The following FAM227A variants were observed in gnomAD, a reference collection of about 807,000 sequenced individuals.
FAM227A encodes the protein protein FAM227A.
FAM227A carries 80 observed loss-of-function variants against 74.7 expected under a neutral mutation model. The ratio of observed to expected loss-of-function variants is 1.07; its 90% CI spans 0.89 to 1.29. The LOEUF is 1.29. FAM227A is among the 50% of genes most tolerant of loss of function. The pLI, the probability that FAM227A is intolerant of heterozygous loss-of-function variation, is 0.00. For missense variants in FAM227A, 654 were observed against 683.4 expected (o/e 0.96, Z 0.48); for synonymous variants, 237 against 241.8 (o/e 0.98, Z 0.19).
At chr22:38,614,845 T>G (rs1007990440) in intron 11 of FAM227A, among the ~76,000 whole-genome samples, 1 of 152,196 alleles carries the variant, frequency 6.6e-6, no homozygotes, top group Non-Finnish European at 1.5e-5. Flanking sequence ...TGAATAATAT[T>G]TTGGTCTTGG....
chr22:38,599,925 A>G lies in FAM227A; in HGVS notation c.1222-4T>C. 2 of 1,531,764 alleles carry G rather than the reference A, an allele frequency of 1.3e-6. No individual in the cohort carries two copies. The highest frequency in any genetic ancestry group is 1.8e-6 in the Non-Finnish European group (2 of 1,139,720). The allele number at this position is 1,531,764 out of a possible 1,614,324, so 94.9% of individuals were successfully genotyped here. ...GGCTTTTGCAGGCAGCACACGACTAAGGATGAAAGAAAAAGGAAAAATAAA... is the reference window on the plus strand; with the variant it reads ...GGCTTTTGCAGGCAGCACACGACTAGGGATGAAAGAAAAAGGAAAAATAAA... On this transcript the variant is annotated splice_region_variant and splice_polypyrimidine_tract_variant and intron_variant, in intron 13 of 16. Transcript: ENST00000535113.
chr22:38,585,954 CT>C lies in FAM227A; in HGVS notation c.*170del. 5.5e-6 allele frequency: 8 copies of C among 1,456,820 alleles called. No homozygotes were observed. The highest frequency in any genetic ancestry group is 7.3e-6 in the Non-Finnish European group (8 of 1,095,476). The allele number at this position is 1,456,820 out of a possible 1,614,324, so 90.2% of individuals were successfully genotyped here. On this transcript the variant is annotated 3_prime_UTR_variant, in exon 17 of 17. Transcript: ENST00000535113. ...CCCAAGCACCAACTCTCTACTCCTG[CT>C]TTTCACTCAGCCTAGGAAAAACTAC...
intron 3 of FAM227A, among the ~76,000 whole-genome samples, chr22:38,639,926 C>T (rs1053938135): frequency 1.3e-5 from 2 of 152,172 alleles, no homozygotes; most frequent in Admixed American, 6.5e-5. Flanking sequence ...CCCACTGTCT[C>T]ACACTGCCCC....
Position 38,639,656 on chromosome 22 carries a change from T to A in FAM227A, c.294A>T (p.Lys98Asn), listed in dbSNP as rs761667568. The change falls in exon 4 of 17, where the codon AAA (lysine) becomes AAT (asparagine). Residue 98 changes from lysine (K) to asparagine (N), a missense_variant and splice_region_variant. Lys to Asn is a moderately conservative substitution (Grantham distance 94). Coordinates refer to ENST00000535113, the MANE Select transcript of FAM227A (RefSeq NM_001013647.2). ...CAAGGCTGAGGGAAAGGTTTTTGCC[T>A]TTGTCTTCTGGACTGCTGCGAGTTT... ...REKTRSSPED[K>N]VKRQRKSQYS... 6.4e-7 allele frequency: 1 copy of A among 1,551,906 alleles called. No individual in the cohort carries two copies. Among genetic ancestry groups the A allele is most frequent in the South Asian group, 1.2e-5 (1 of 84,064 alleles).
At chr22:38,593,259 C>T (rs2090975750) in intron 15 of FAM227A, among the ~76,000 whole-genome samples, 1 of 152,230 alleles carries the variant, frequency 6.6e-6, no homozygotes, top group Non-Finnish European at 1.5e-5. Context: ...AATCCCAGCA[C>T]TTCGGGAGGC....
At chr22:38,642,230 C>A (rs2092132369) in intron 3 of FAM227A, among the ~76,000 whole-genome samples, 1 of 152,154 alleles carries the variant, frequency 6.6e-6, no homozygotes, top group Non-Finnish European at 1.5e-5. Flanking sequence ...TAGGTAGATA[C>A]AGAGAATGCC....
In FAM227A at chr22:38,582,585, T is replaced by A; in HGVS notation, c.*3540A>T. 1 of 772,776 alleles carries A rather than the reference T, an allele frequency of 1.3e-6. No individual in the cohort carries two copies. The highest frequency in any genetic ancestry group is 2.7e-5 in the East Asian group (1 of 37,398). The allele number at this position is 772,776 out of a possible 1,614,324, so 47.9% of individuals were successfully genotyped here. ...CAAAGGGCAGAGACAGGTTTCTTCA[T>A]ATTTAACATCCTGAGAGGCTACAAC... On this transcript the variant is annotated 3_prime_UTR_variant, in exon 17 of 17. Coordinates refer to ENST00000535113, the MANE Select transcript of FAM227A (RefSeq NM_001013647.2).
At chr22:38,625,744 G>A (rs1361242904) in intron 9 of FAM227A, among the ~76,000 whole-genome samples, 1 of 152,084 alleles carries the variant, frequency 6.6e-6, no homozygotes, top group Admixed American at 6.6e-5. Flanking sequence ...AGGAGGTTGA[G>A]ACCAGCCTGA....
At chr22:38,592,709 T>C (rs1312306748) in intron 15 of FAM227A, among the ~76,000 whole-genome samples, 3 of 152,220 alleles carry the variant, frequency 2.0e-5, no homozygotes, top group African/African-American at 7.2e-5. Flanking sequence ...ACTGGAGTCC[T>C]TGTAAATGAG....
intron 11 of FAM227A, among the ~76,000 whole-genome samples, chr22:38,619,670 T>C (rs1418991606): frequency 2.6e-5 from 4 of 151,916 alleles, no homozygotes; most frequent in African/African-American, 7.3e-5. Flanking sequence ...GGTCAGGTGG[T>C]GATGGGATGA....
At chr22:38,591,380 T>TC (rs1162275938) in intron 16 of FAM227A, 55 bp downstream of exon 16, 1 of 1,535,096 alleles carries the variant, frequency 6.5e-7, no homozygotes, top group Non-Finnish European at 8.8e-7. Flanking sequence ...CTTCTACCTT[T>TC]CCCATGGTTT....
At chr22:38,612,563 G>T (rs2091436267) in intron 11 of FAM227A, among the ~76,000 whole-genome samples, 1 of 152,082 alleles carries the variant, frequency 6.6e-6, no homozygotes, top group Admixed American at 6.6e-5. Context: ...CTCCACATAT[G>T]TGAAACCCAT....
At chr22:38,591,094 T>G (rs2146143006) in intron 16 of FAM227A, among the ~76,000 whole-genome samples, 1 of 152,124 alleles carries the variant, frequency 6.6e-6, no homozygotes, top group African/African-American at 2.4e-5. Flanking sequence ...TAAGTGAACT[T>G]TTATATGCTC....
chr22:38,640,118 C>G (rs2092083013), intron 3 of FAM227A, among the ~76,000 whole-genome samples: 1 of 152,062 alleles, frequency 6.6e-6, no homozygotes, highest in Non-Finnish European at 1.5e-5. Context: ...ACTGCAAGCT[C>G]CGCCTCCTGG....
chr22:38,633,846 C>T (rs2091955797), intron 6 of FAM227A, among the ~76,000 whole-genome samples: 1 of 152,260 alleles, frequency 6.6e-6, no homozygotes, highest in South Asian at 2.1e-4. Context: ...GGCCTATCAT[C>T]TTATAACCTT....
rs2091501538 is a variant in FAM227A at position 38,613,387 on chromosome 22, A to ATATTATATT, written c.1039-5912_1039-5911insAATATAATA. Among the ~76,000 whole-genome samples the ATATTATATT allele has an allele frequency of 2.8e-4, 23 of 83,424 alleles. 2 individuals carry two copies. Among genetic ancestry groups the ATATTATATT allele is most frequent in the Admixed American group, 9.3e-4 (5 of 5,372 alleles). 54.7% of individuals were successfully genotyped at this position (83,424 alleles called of 152,430 possible). On this transcript the variant is annotated intron_variant, in intron 11 of 16. Transcript: ENST00000535113. ...TCATATATAATATATAACATATATT[A>ATATTATATT]TATAATATATATTTATAATATATAT... is the stretch of plus-strand genomic sequence containing the variant.
At chr22:38,631,804 G>A (rs1229903152) in intron 6 of FAM227A, among the ~76,000 whole-genome samples, 1 of 152,196 alleles carries the variant, frequency 6.6e-6, no homozygotes, top group Non-Finnish European at 1.5e-5. Context: ...CAACAGGGCA[G>A]AACACTGTGA....
chr22:38,605,548 CCA>C (rs1379908523), intron 12 of FAM227A, among the ~76,000 whole-genome samples, 200 bp from the exon 13 acceptor site: 1 of 152,156 alleles, frequency 6.6e-6, no homozygotes, highest in Admixed American at 6.5e-5. Flanking sequence ...CCTTGGCCTC[CCA>C]CAGTGCTGAG....
At chr22:38,627,171 T>C (rs2091826980) in intron 8 of FAM227A, among the ~76,000 whole-genome samples, 1 of 151,654 alleles carries the variant, frequency 6.6e-6, no homozygotes, top group African/African-American at 2.4e-5. Context: ...ATCCTTTTAG[T>C]ATATATATAC....
Sources: gnomAD v4.1 joint callset for allele counts (sites outside exome capture counted in the v4.1 genomes callset) on GRCh38, gnomAD v4.1.1 for gene constraint, MANE v1.5 for transcripts, NCBI Gene and HGNC (gene_info 2026-07-23, HGNC 2026-07-21) for gene names.